The following PTPN22 variants were observed in gnomAD, a reference collection of about 807,000 sequenced individuals.
The protein encoded by PTPN22 is protein tyrosine phosphatase non-receptor type 22.
A neutral mutation model predicts 103.3 loss-of-function variants in PTPN22; 85 were observed. That is an observed-to-expected ratio of 0.82 (90% CI 0.69 to 0.99). The LOEUF is 0.99. Ranked by LOEUF, PTPN22 falls within the 50% of genes least tolerant of loss-of-function variation. The probability of loss-of-function intolerance (pLI) is 0.00; values close to 1 mark genes in which losing one functional copy is unlikely to be tolerated. For missense variants in PTPN22, 865 were observed against 936.9 expected, an observed-to-expected ratio of 0.92 and a Z score of 1.00; for synonymous variants, 323 against 310.2, an observed-to-expected ratio of 1.04 and a Z score of -0.43.
chr1:113,855,917 G>A (rs1051738928), intron 7 of PTPN22, among the ~76,000 whole-genome samples: 3 of 152,206 alleles, frequency 2.0e-5, no homozygotes, highest in Non-Finnish European at 2.9e-5. Context: ...CAGTCTCTAT[G>A]CACTGTTCAG....
chr1:113,857,888 G>GTT, intron 4 of PTPN22, 112 bp from the exon 5 acceptor site: 3 of 978,390 alleles, frequency 3.1e-6, no homozygotes, highest in Non-Finnish European at 3.0e-6. Flanking sequence ...CTGTTTTGTC[G>GTT]TTTTTTTTTA....
chr1:113,816,489 T>C (rs1448978171), intron 20 of PTPN22, among the ~76,000 whole-genome samples: 1 of 150,818 alleles, frequency 6.6e-6, no homozygotes, highest in Admixed American at 6.6e-5. Flanking sequence ...TAGTAAGTAC[T>C]CAAATGTTCC....
intron 7 of PTPN22, 30 bp from the exon 8 acceptor site, chr1:113,855,079 G>A (rs200663674): frequency 1.9e-6 from 3 of 1,576,936 alleles, no homozygotes; most frequent in African/African-American, 2.7e-5. Context: ...GGGAGGGGAA[G>A]AGGGGCAAGG....
chr1:113,830,407 C>T (rs1473631047), intron 16 of PTPN22, among the ~76,000 whole-genome samples: 1 of 151,792 alleles, frequency 6.6e-6, no homozygotes. Flanking sequence ...GACAAATGAC[C>T]CACTCTCTTC....
intron 7 of PTPN22, 118 bp from the exon 8 acceptor site, chr1:113,855,167 T>C (rs1664934771): frequency 1.2e-6 from 1 of 833,948 alleles, no homozygotes; most frequent in South Asian, 1.8e-5. Context: ...GCAACAAACC[T>C]GCACATTTAC....
intron 11 of PTPN22, among the ~76,000 whole-genome samples, chr1:113,839,858 T>C (rs1663374589): frequency 6.6e-6 from 1 of 151,778 alleles, no homozygotes; most frequent in African/African-American, 2.4e-5. Context: ...ACTAAAGTTC[T>C]AGCCAAAGTA....
intron 9 of PTPN22, 82 bp from the exon 10 acceptor site, chr1:113,852,186 T>G: frequency 2.0e-6 from 2 of 1,013,698 alleles, no homozygotes; most frequent in Non-Finnish European, 3.0e-6. Flanking sequence ...TGTACTTCCA[T>G]GGCATCTGCT....
intron 19 of PTPN22, among the ~76,000 whole-genome samples, chr1:113,821,215 T>G (rs997832874): frequency 6.6e-6 from 1 of 151,786 alleles, no homozygotes; most frequent in African/African-American, 2.4e-5. Flanking sequence ...GAGAATATTG[T>G]TTTTTTTACA....
intron 1 of PTPN22, among the ~76,000 whole-genome samples, chr1:113,860,243 A>G (rs972626783): frequency 6.6e-6 from 1 of 152,174 alleles, no homozygotes; most frequent in Non-Finnish European, 1.5e-5. Flanking sequence ...TTGGCCTCAC[A>G]TAACTTTTAT....
At chr1:113,852,645 A>G (rs1483490530) in intron 9 of PTPN22, among the ~76,000 whole-genome samples, 1 of 152,186 alleles carries the variant, frequency 6.6e-6, no homozygotes, top group Non-Finnish European at 1.5e-5. Context: ...CCATCTCTAG[A>G]GACATGATTC....
chr1:113,836,953 T>C (rs1284497952), intron 13 of PTPN22, among the ~76,000 whole-genome samples: 1 of 151,968 alleles, frequency 6.6e-6, no homozygotes, highest in Non-Finnish European at 1.5e-5. Flanking sequence ...AACAGTATAT[T>C]GTGAGCCTTT....
At chr1:113,827,662 G>A (rs758760409) in intron 18 of PTPN22, among the ~76,000 whole-genome samples, 2 of 152,068 alleles carry the variant, frequency 1.3e-5, no homozygotes, top group Non-Finnish European at 2.9e-5. Context: ...CATTTCATGT[G>A]TATGCAAGCA....
chr1:113,818,207 C>T (rs539746088), intron 20 of PTPN22, among the ~76,000 whole-genome samples: 2 of 151,900 alleles, frequency 1.3e-5, no homozygotes, highest in Non-Finnish European at 2.9e-5. Context: ...GCTCTGTTGC[C>T]GGGATGGAGT....
intron 13 of PTPN22, among the ~76,000 whole-genome samples, chr1:113,835,274 T>C (rs1662884864): frequency 6.6e-6 from 1 of 152,172 alleles, no homozygotes; most frequent in Non-Finnish European, 1.5e-5. Flanking sequence ...ATCCCAGCAC[T>C]TTCGGAGGCC....
Position 113,859,351 on chromosome 1 carries a change from C to T in PTPN22, c.196+1G>A. The T allele has an allele frequency of 6.2e-7, 1 of 1,606,282 alleles. No homozygotes were observed. Among genetic ancestry groups the T allele is most frequent in the African/African-American group, 1.3e-5 (1 of 74,806 alleles). On this transcript the variant is annotated splice_donor_variant, in intron 2 of 20. Transcript: ENST00000359785. LOFTEE classifies it high-confidence loss of function. Reference sequence around the variant, plus strand: ...AGTTTATAGAGAGAAATGGAACTTACAGGGCAAAATATCCTTATATCTGTT... The same window carrying T: ...AGTTTATAGAGAGAAATGGAACTTATAGGGCAAAATATCCTTATATCTGTT...
At chr1:113,856,296 T>A in intron 7 of PTPN22, 86 bp downstream of exon 7, 1 of 1,442,720 alleles carries the variant, frequency 6.9e-7, no homozygotes, top group South Asian at 1.5e-5. Flanking sequence ...CCCATTGTCT[T>A]ATGCCCAGCC....
At chr1:113,846,762 C>G (rs2102026123) in intron 11 of PTPN22, among the ~76,000 whole-genome samples, 1 of 152,262 alleles carries the variant, frequency 6.6e-6, no homozygotes, top group South Asian at 2.1e-4. Flanking sequence ...TCTTTCAGCA[C>G]TTGGAAAATA....
intron 19 of PTPN22, among the ~76,000 whole-genome samples, chr1:113,822,125 T>C (rs921114115): frequency 6.6e-6 from 1 of 152,258 alleles, no homozygotes; most frequent in African/African-American, 2.4e-5. Context: ...ATTTAGGTTC[T>C]GATTACATCA....
At chr1:113,871,510 C>T in intron 1 of PTPN22, 27 bp downstream of exon 1, 1 of 1,600,188 alleles carries the variant, frequency 6.2e-7, no homozygotes. Context: ...ATGTAACTAC[C>T]CTGAGAGGGT....
Sources: allele counts gnomAD v4.1 joint callset (sites outside exome capture counted in the v4.1 genomes callset), GRCh38; gene constraint gnomAD v4.1.1; transcripts MANE v1.5; gene names NCBI Gene and HGNC (gene_info 2026-07-23, HGNC 2026-07-21).